Variants in MYPN observed in about 807,000 individuals in gnomAD.
The protein encoded by MYPN is myopalladin, also known as sarcomeric protein myopalladin, 145 kDa (MYOP).
MYPN carries 63 observed loss-of-function variants against 129.4 expected under a neutral mutation model. The ratio of observed to expected loss-of-function variants is 0.49; its 90% CI spans 0.40 to 0.60. MYPN has a LOEUF of 0.60. Ranked by LOEUF, MYPN falls within the 20% of genes least tolerant of loss-of-function variation. The pLI is 0.00. For synonymous variants in MYPN, 629 were observed against 600.9 expected (o/e 1.05, Z -0.68); for missense variants, 1,596 against 1,635.4 (o/e 0.98, Z 0.42).
intron 4 of MYPN, among the ~76,000 whole-genome samples, chr10:68,146,877 A>G (rs1208272330): frequency 1.3e-5 from 2 of 152,260 alleles, no homozygotes; most frequent in East Asian, 3.8e-4. Context: ...TGGAGCAATC[A>G]TGTAAAGAAA....
chr10:68,151,786 T>C (rs2042775707), intron 6 of MYPN, among the ~76,000 whole-genome samples: 1 of 152,180 alleles, frequency 6.6e-6, no homozygotes. Context: ...TCAGGTAATA[T>C]CTCCACTCAA....
At chr10:68,096,860 A>G (rs1450688922) in intron 1 of MYPN, among the ~76,000 whole-genome samples, 1 of 152,266 alleles carries the variant, frequency 6.6e-6, no homozygotes, top group East Asian at 1.9e-4. Context: ...TATGTTGAAT[A>G]CCAAGCTTAT....
At chr10:68,118,191 C>T (rs1276369014) in intron 1 of MYPN, among the ~76,000 whole-genome samples, 1 of 151,904 alleles carries the variant, frequency 6.6e-6, no homozygotes, top group Non-Finnish European at 1.5e-5. Context: ...CTATTTCCAC[C>T]ACAAATATAA....
In MYPN at chr10:68,121,782, C is replaced by T. The variant is rs2042246837; in HGVS notation, c.344C>T (p.Pro115Leu). 1 of 1,614,080 alleles carries T rather than the reference C, an allele frequency of 6.2e-7. No individual in the cohort carries two copies. Among genetic ancestry groups the T allele is most frequent in the African/African-American group, 1.3e-5 (1 of 74,936 alleles). Residue 115 changes from proline to leucine, a missense_variant, in exon 2 of 20, where the codon CCT becomes CTT. Transcript: ENST00000358913. ...MKHSPNLSFE[P>L]NFCQDNPRSP... ...CACTCACCTAATTTAAGTTTTGAGC[C>T]TAACTTCTGCCAGGATAACCCTCGA...
intron 1 of MYPN, among the ~76,000 whole-genome samples, chr10:68,091,610 G>C (rs367999308): frequency 6.6e-6 from 1 of 151,686 alleles, no homozygotes; most frequent in African/African-American, 2.4e-5. Context: ...ACCCAGGCTG[G>C]TCTTGAACTC....
In MYPN at chr10:68,188,813, T is replaced by A. The variant is rs2134256610; in HGVS notation, c.2704-92T>A. On this transcript the variant is annotated intron_variant, in intron 12 of 19. Transcript: ENST00000358913. ...TGGATTTCATGGTATAAATCTAACG[T>A]CTGAATCTTAAAAAGTGGCTTCCTC... The A allele has an allele frequency of 2.9e-6, 3 of 1,030,986 alleles. No homozygotes were observed. In the South Asian group the frequency reaches 4.1e-5, roughly 14 times the overall value. 63.9% of individuals were successfully genotyped at this position (1,030,986 alleles called of 1,614,324 possible).
chr10:68,183,654 A>G (rs1242503588), intron 12 of MYPN, among the ~76,000 whole-genome samples: 1 of 152,180 alleles, frequency 6.6e-6, no homozygotes, highest in Non-Finnish European at 1.5e-5. Flanking sequence ...TAGAGGTGGT[A>G]TGGATGGATT....
At chr10:68,191,216 C>T (rs1367024128) in intron 13 of MYPN, among the ~76,000 whole-genome samples, 1 of 144,354 alleles carries the variant, frequency 6.9e-6, no homozygotes, top group Non-Finnish European at 1.5e-5. Flanking sequence ...TTTTCTATTT[C>T]TTTTTTTTTT....
In MYPN at chr10:68,121,915, A is replaced by C; in HGVS notation, c.477A>C (p.Glu159Asp). ...VFLNKAADFIEELSSLFKSHS... is the reference protein window; with the variant it reads ...VFLNKAADFIDELSSLFKSHS... ...TAAATAAGGCTGCCGACTTCATTGAAGAGCTATCCTCCCTTTTCAAATCCC... is the reference window on the plus strand; with the variant it reads ...TAAATAAGGCTGCCGACTTCATTGACGAGCTATCCTCCCTTTTCAAATCCC... The change falls in exon 2 of 20, where the codon GAA (glutamate) becomes GAC (aspartate). Residue 159 changes from glutamate to aspartate, a missense_variant. By Grantham distance (45) the Glu-to-Asp change is conservative (BLOSUM62 2). Coordinates refer to ENST00000358913, the MANE Select transcript of MYPN (RefSeq NM_032578.4). The C allele has an allele frequency of 6.2e-7, 1 of 1,614,258 alleles. No individual in the cohort carries two copies. Among genetic ancestry groups the C allele is most frequent in the Non-Finnish European group, 8.5e-7 (1 of 1,180,046 alleles).
At chr10:68,107,309 C>T (rs1173428918), upstream of MYPN, among the ~76,000 whole-genome samples, 1 of 149,968 alleles carries the variant, frequency 6.7e-6, no homozygotes, top group African/African-American at 2.5e-5. Flanking sequence ...AGAAAGATGA[C>T]TGCCATTCAG....
chr10:68,133,021 A>AT (rs35346306), intron 2 of MYPN, among the ~76,000 whole-genome samples: 20,742 of 116,168 alleles, frequency 0.18, 3,674 homozygotes, highest in African/African-American at 0.44. Context: ...GTAGACCTCA[A>AT]TTTTTTTTTT....
chr10:68,163,473 CA>C (rs1373553335), intron 8 of MYPN, among the ~76,000 whole-genome samples: 5 of 151,088 alleles, frequency 3.3e-5, no homozygotes, highest in Non-Finnish European at 3.0e-5. Flanking sequence ...AAAAAAAATA[CA>C]AAAAATTAGC....
chr10:68,178,934 C>A (rs1030384199), intron 12 of MYPN, among the ~76,000 whole-genome samples: 1 of 151,872 alleles, frequency 6.6e-6, no homozygotes, highest in Non-Finnish European at 1.5e-5. Flanking sequence ...TCTCTGGAAA[C>A]TTTCCCATCT....
intron 11 of MYPN, 133 bp from the exon 12 acceptor site, chr10:68,175,190 G>A (rs1019677516): frequency 4.1e-6 from 4 of 981,810 alleles, no homozygotes; most frequent in Non-Finnish European, 6.3e-6. Context: ...CCGATTCTCT[G>A]CACAGGGCTT....
In MYPN at chr10:68,174,407, C is replaced by A; in HGVS notation, c.2315C>A (p.Thr772Asn). 1 of 1,614,138 alleles carries A rather than the reference C, an allele frequency of 6.2e-7. No individual in the cohort carries two copies. The highest frequency in any genetic ancestry group is 2.2e-5 in the East Asian group (1 of 44,878). ...TTAGTGTCTCACCCCTCTGTGCAAA[C>A]CAAATCTCCAGGAGGGCTTTCCATC... ...SLLVSHPSVQ[T>N]KSPGGLSIQN... Residue 772 changes from threonine (T) to asparagine (N), a missense_variant, in exon 11 of 20, where the codon ACC becomes AAC. Thr to Asn is a moderately conservative substitution (Grantham distance 65). Coordinates refer to ENST00000358913, the MANE Select transcript of MYPN (RefSeq NM_032578.4).
chr10:68,096,105 C>A (rs189258550), intron 1 of MYPN, among the ~76,000 whole-genome samples: 10 of 152,268 alleles, frequency 6.6e-5, no homozygotes, highest in East Asian at 1.9e-4. Flanking sequence ...ATACACAAAT[C>A]AACCGATATT....
chr10:68,192,998 AT>A (rs1450808166), intron 13 of MYPN, among the ~76,000 whole-genome samples: 1 of 151,352 alleles, frequency 6.6e-6, no homozygotes, highest in East Asian at 1.9e-4. Flanking sequence ...GGTCTTTTGC[AT>A]TTTTTTAGTC....
At chr10:68,179,707 C>T (rs772873537) in intron 12 of MYPN, among the ~76,000 whole-genome samples, 2 of 152,158 alleles carry the variant, frequency 1.3e-5, no homozygotes, top group East Asian at 1.9e-4. Context: ...GTCACCCAGG[C>T]TGGAGTGCAG....
At chr10:68,110,631 A>G (rs574974957) in intron 1 of MYPN, among the ~76,000 whole-genome samples, 1 of 152,326 alleles carries the variant, frequency 6.6e-6, no homozygotes, top group South Asian at 2.1e-4. Context: ...TGAATCCTAC[A>G]AACACTAAAT....
Sources: gnomAD v4.1 joint callset for allele counts (sites outside exome capture counted in the v4.1 genomes callset) on GRCh38, gnomAD v4.1.1 for gene constraint, MANE v1.5 for transcripts, NCBI Gene and HGNC (gene_info 2026-07-23, HGNC 2026-07-21) for gene names.